The following NLRP4 variants were observed in gnomAD, a reference collection of about 807,000 sequenced individuals.
NLRP4 encodes NACHT, LRR and PYD domains-containing protein 4.
Under a neutral mutation model 84.7 loss-of-function variants are expected in NLRP4, and 44 were observed. The ratio of observed to expected loss-of-function variants is 0.52; its 90% CI spans 0.41 to 0.67. The LOEUF (loss-of-function observed/expected upper bound fraction) is 0.67, where lower values mean the gene tolerates loss of function less well. Among genes scored for constraint, NLRP4 ranks in the 30% least tolerant of loss-of-function variants. The pLI is 0.00. For missense variants in NLRP4, 1,260 were observed against 1,219.4 expected (o/e 1.03, Z -0.50); for synonymous variants, 544 against 476.4 (o/e 1.14, Z -1.85).
chr19:55,870,276 C>A (rs1003062697), intron 6 of NLRP4, among the ~76,000 whole-genome samples: 1 of 152,190 alleles, frequency 6.6e-6, no homozygotes, highest in South Asian at 2.1e-4. Flanking sequence ...AAAATTAAAG[C>A]CCTGTTAGAG....
At position 55,837,737 on chromosome 19, in the gene NLRP4, T is replaced by C. The variant is rs1194175481; in HGVS notation, c.-66+803T>C. On this transcript the variant is annotated intron_variant, in intron 1 of 9. Coordinates refer to ENST00000301295, the MANE Select transcript of NLRP4 (RefSeq NM_134444.5). ...CCTAACTTAATGACGGGTGTCCTTA[T>C]GAAAACGGCCACATGCGGCTGGGTG... Among the ~76,000 whole-genome samples, 4 of 152,208 alleles carry C rather than the reference T, an allele frequency of 2.6e-5. No homozygotes were observed. In the South Asian group the frequency reaches 6.2e-4, roughly 24 times the overall value.
rs539308680 is a variant in NLRP4, at chr19:55,854,000, C to T, written c.280+1640C>T. Among the ~76,000 whole-genome samples the T allele has an allele frequency of 6.9e-4, 104 of 150,800 alleles. 2 individuals are homozygous for T. In the South Asian group the frequency reaches 0.015, roughly 22 times the overall value. Reference sequence around the variant, plus strand: ...TTCTTTCTTCTTTGATACAGAGTCACGCTCTGTCGCCCAGGCTGGAGTGCA... The same window carrying T: ...TTCTTTCTTCTTTGATACAGAGTCATGCTCTGTCGCCCAGGCTGGAGTGCA... On this transcript the variant is annotated intron_variant, in intron 2 of 9. Transcript: ENST00000301295.
rs1464774358 is a variant in NLRP4 at position 55,867,094 on chromosome 19, C to A, written c.2187-615C>A. 4.0e-5 allele frequency among the ~76,000 whole-genome samples: 6 copies of A among 148,854 alleles called. No homozygotes were observed. The South Asian group carries it at 1.1e-3, about 26-fold the overall frequency. Reference sequence around the variant, plus strand: ...GTTGGCTGTCTCTGTACCCCAGAGACCATAAGCCAAGCATGCATATAACTG... The same window carrying A: ...GTTGGCTGTCTCTGTACCCCAGAGAACATAAGCCAAGCATGCATATAACTG... On this transcript the variant is annotated intron_variant, in intron 5 of 9. Coordinates refer to ENST00000301295, the MANE Select transcript of NLRP4 (RefSeq NM_134444.5).
Position 55,857,954 on chromosome 19 carries a change from T to C in NLRP4, c.561T>C (p.Tyr187=), listed in dbSNP as rs1984514264. 1.2e-6 allele frequency: 2 copies of C among 1,614,198 alleles called. No individual in the cohort carries two copies. Among genetic ancestry groups the C allele is most frequent in the African/African-American group, 2.7e-5 (2 of 75,058 alleles). The change falls in exon 3 of 10, where the codon TAT becomes TAC. Residue 187 remains tyrosine, a synonymous_variant. Transcript: ENST00000301295. ...IFRDRFLYTF[Y]FCCRELRELP... is the part of the protein sequence containing the mutation. ...GGGATAGGTTCCTGTACACGTTCTA[T>C]TTCTGCTGCAGAGAACTGAGGGAGT...
chr19:55,854,146 A>G (rs1440951844), intron 2 of NLRP4, among the ~76,000 whole-genome samples: 2 of 151,694 alleles, frequency 1.3e-5, no homozygotes, highest in Non-Finnish European at 2.9e-5. Context: ...ATTTTTTTGT[A>G]TTTTTAGTAG....
At chr19:55,851,847 C>T (rs1163710069) in intron 1 of NLRP4, among the ~76,000 whole-genome samples, 169 bp from the exon 2 acceptor site, 3 of 152,166 alleles carry the variant, frequency 2.0e-5, no homozygotes, top group Non-Finnish European at 4.4e-5. Context: ...CTGATTCCCC[C>T]ATCCATTATT....
intron 1 of NLRP4, among the ~76,000 whole-genome samples, chr19:55,838,166 G>T (rs1274840142): frequency 6.6e-6 from 1 of 151,524 alleles, no homozygotes; most frequent in Non-Finnish European, 1.5e-5. Flanking sequence ...GCCAACTGTG[G>T]TGGCGCATGC....
At chr19:55,865,495 T>G (rs1984920625) in intron 5 of NLRP4, among the ~76,000 whole-genome samples, 1 of 152,192 alleles carries the variant, frequency 6.6e-6, no homozygotes, top group Non-Finnish European at 1.5e-5. Flanking sequence ...ATGGGATTGC[T>G]GGGTTTGATG....
intron 5 of NLRP4, among the ~76,000 whole-genome samples, chr19:55,864,846 A>G (rs1024214968): frequency 2.0e-5 from 3 of 152,180 alleles, no homozygotes; most frequent in African/African-American, 4.8e-5. Context: ...AATGATGAGC[A>G]TCTTTTCCTG....
chr19:55,845,183 C>G (rs1349117260), intron 1 of NLRP4, among the ~76,000 whole-genome samples: 1 of 114,592 alleles, frequency 8.7e-6, no homozygotes, highest in African/African-American at 3.3e-5. Context: ...CCCCTCCCCC[C>G]ACCCCATAAC....
At chr19:55,840,521 T>C (rs1983573474) in intron 1 of NLRP4, among the ~76,000 whole-genome samples, 1 of 152,104 alleles carries the variant, frequency 6.6e-6, no homozygotes, top group East Asian at 1.9e-4. Context: ...GTAGCTGGGA[T>C]TACAGGTGCC....
At chr19:55,850,719 G>A (rs193029331) in intron 1 of NLRP4, among the ~76,000 whole-genome samples, 4 of 139,682 alleles carry the variant, frequency 2.9e-5, no homozygotes, top group Admixed American at 2.1e-4. Flanking sequence ...CCGAGGCTGC[G>A]GTGTACTTTC....
rs1189402761 is a variant in NLRP4, at chr19:55,867,584, G to A, written c.2187-125G>A. ...CTGGGTTGACAGGGATCAAGAACAGGGTTGGGAGGCAGTGAGCCTCTCAAG... is the reference window on the plus strand; with the variant it reads ...CTGGGTTGACAGGGATCAAGAACAGAGTTGGGAGGCAGTGAGCCTCTCAAG... On this transcript the variant is annotated intron_variant, in intron 5 of 9. Coordinates refer to ENST00000301295, the MANE Select transcript of NLRP4 (RefSeq NM_134444.5). 9.0e-6 allele frequency: 7 copies of A among 775,254 alleles called. No individual in the cohort carries two copies. The South Asian group carries it at 9.9e-5, about 11-fold the overall frequency. The allele number at this position is 775,254 out of a possible 1,614,324, so 48.0% of individuals were successfully genotyped here.
At chr19:55,837,710 C>T (rs75001439) in intron 1 of NLRP4, among the ~76,000 whole-genome samples, 5,576 of 152,090 alleles carry the variant, frequency 0.037, 276 homozygotes, top group East Asian at 0.22. Flanking sequence ...GTGAGTGGCC[C>T]CCCTAACTTA....
At chr19:55,865,707 C>G (rs1984927994) in intron 5 of NLRP4, among the ~76,000 whole-genome samples, 1 of 152,092 alleles carries the variant, frequency 6.6e-6, no homozygotes, top group South Asian at 2.1e-4. Flanking sequence ...ATGCATTTTT[C>G]TAATGATTAA....
intron 8 of NLRP4, 63 bp from the exon 9 acceptor site, chr19:55,878,731 C>A (rs983172905): frequency 4.1e-6 from 6 of 1,461,380 alleles, no homozygotes; most frequent in Non-Finnish European, 5.6e-6. Flanking sequence ...GTCTAGCTCA[C>A]ATCCCATCCT....
At position 55,859,163 on chromosome 19, in the gene NLRP4, C is replaced by T. The variant is rs1359646246; in HGVS notation, c.1770C>T (p.Ala590=). Reference sequence around the variant, plus strand: ...ACAACGTGGACTTGGTGGTTTCTGCCTACTGCTTAAAATACTGCTCCAGCT... The same window carrying T: ...ACAACGTGGACTTGGTGGTTTCTGCTTACTGCTTAAAATACTGCTCCAGCT... ...IIDNVDLVVS[A]YCLKYCSSLR... The change falls in exon 3 of 10, where the codon GCC becomes GCT. Residue 590 remains alanine, a synonymous_variant. Coordinates refer to ENST00000301295, the MANE Select transcript of NLRP4 (RefSeq NM_134444.5). The T allele has an allele frequency of 2.4e-5, 38 of 1,613,602 alleles. 1 individual carries two copies. Among genetic ancestry groups the T allele is most frequent in the Non-Finnish European group, 3.1e-5 (36 of 1,179,640 alleles).
intron 6 of NLRP4, among the ~76,000 whole-genome samples, chr19:55,870,127 G>C (rs1402944912): frequency 6.6e-6 from 1 of 151,888 alleles, no homozygotes; most frequent in East Asian, 1.9e-4. Context: ...AACCTACTGT[G>C]ATTTTAAAGA....
rs367876260 is a variant in NLRP4, at chr19:55,881,653, T to G, written c.*66T>G. 3.4e-5 allele frequency: 26 copies of G among 760,414 alleles called. No individual in the cohort carries two copies. The highest frequency in any genetic ancestry group is 5.1e-5 in the Non-Finnish European group (22 of 430,978). The allele number at this position is 760,414 out of a possible 1,614,324, so 47.1% of individuals were successfully genotyped here. A position where few individuals can be genotyped will look rare whatever the true frequency, so the allele number is the denominator to read the frequency against. ...ACAGGGACTGGGACCGTTACTTACA[T>G]GACACTGCACCCAGGAGATACAAAT... is the stretch of plus-strand genomic sequence containing the variant. On this transcript the variant is annotated 3_prime_UTR_variant, in exon 10 of 10. Transcript: ENST00000301295.
Sources: allele counts gnomAD v4.1 joint callset (sites outside exome capture counted in the v4.1 genomes callset), GRCh38; gene constraint gnomAD v4.1.1; transcripts MANE v1.5; gene names NCBI Gene and HGNC (gene_info 2026-07-23, HGNC 2026-07-21).